MED12L: variants seen among roughly 807,000 people sequenced by gnomAD.
MED12L encodes mediator of RNA polymerase II transcription subunit 12-like protein.
MED12L carries 60 observed loss-of-function variants against 281.3 expected under a neutral mutation model. The observed-to-expected ratio is 0.21, with a 90% confidence interval of 0.17 to 0.26. The LOEUF is 0.26. Among genes scored for constraint, MED12L ranks in the 10% least tolerant of loss-of-function variants. The pLI is 1.00. For missense variants in MED12L, 2,146 were observed against 2,680.9 expected (o/e 0.80, Z 4.41); for synonymous variants, 974 against 987.2 (o/e 0.99, Z 0.25).
At chr3:151,121,325 C>T (rs1455164639) in intron 3 of MED12L, among the ~76,000 whole-genome samples, 1 of 152,150 alleles carries the variant, frequency 6.6e-6, no homozygotes, top group African/African-American at 2.4e-5. Context: ...AAGACGGACT[C>T]CTTTTCTACT....
At chr3:151,377,460 T>C (rs1756982393) in intron 30 of MED12L, among the ~76,000 whole-genome samples, 1 of 152,230 alleles carries the variant, frequency 6.6e-6, no homozygotes, top group Admixed American at 6.5e-5. Context: ...GTATTCATTA[T>C]ATGGGAAACG....
chr3:151,425,458 C>G (rs1718768792), intron 43 of MED12L: 1 of 318,926 alleles, frequency 3.1e-6, no homozygotes, highest in African/African-American at 2.2e-5. Flanking sequence ...TGGGGTGCAG[C>G]AATGTGATCA....
intron 38 of MED12L, among the ~76,000 whole-genome samples, chr3:151,392,524 A>G (rs187169047): frequency 1.2e-4 from 18 of 151,802 alleles, no homozygotes; most frequent in African/African-American, 3.1e-4. Flanking sequence ...TTTGAAAAAA[A>G]TTATTTTTGA....
At chr3:151,152,136 G>A (rs950824718) in intron 5 of MED12L, among the ~76,000 whole-genome samples, 2 of 116,594 alleles carry the variant, frequency 1.7e-5, no homozygotes, top group African/African-American at 6.8e-5. Context: ...GTCTCACTCG[G>A]TTGCCCAGGC....
intron 16 of MED12L, among the ~76,000 whole-genome samples, chr3:151,253,615 C>T (rs751561649): frequency 6.6e-6 from 1 of 152,112 alleles, no homozygotes; most frequent in Non-Finnish European, 1.5e-5. Context: ...TACTGTATCA[C>T]AGATGGTGAT....
At chr3:151,368,106 C>T (rs1755513009) in intron 24 of MED12L, 44 bp from the exon 25 acceptor site, 1 of 1,474,182 alleles carries the variant, frequency 6.8e-7, no homozygotes, top group Non-Finnish European at 9.5e-7. Flanking sequence ...GGACTTGTTC[C>T]CAAGTGTGTT....
intron 31 of MED12L, 146 bp downstream of exon 31, chr3:151,378,319 C>A: frequency 1.2e-6 from 1 of 826,734 alleles, no homozygotes; most frequent in Non-Finnish European, 1.7e-6. Context: ...TTAGGCAAGG[C>A]TGTCTTATTC....
intron 16 of MED12L, chr3:151,337,455 AT>A: frequency 4.6e-6 from 1 of 216,800 alleles, no homozygotes; most frequent in East Asian, 1.2e-4. Flanking sequence ...TCCTTAGTTG[AT>A]TATGAAAAAA....
rs71797893 is a variant in MED12L at position 151,435,189 on chromosome 3, GGAGC to G, written c.*2389_*2392del. 19,560 of 151,612 alleles carry G rather than the reference GGAGC, an allele frequency of 0.13. 1,598 individuals carry two copies. Among genetic ancestry groups the G allele is most frequent in the East Asian group, 0.4 (2,025 of 5,126 alleles). The allele number at this position is 151,612 out of a possible 1,614,324, so 9.4% of individuals were successfully genotyped here. A position where few individuals can be genotyped will look rare whatever the true frequency, so the allele number is the denominator to read the frequency against. On this transcript the variant is annotated 3_prime_UTR_variant, in exon 45 of 45. Transcript: ENST00000687756. ...AGAGGAAATTACCTTAGAATAAGAT[GGAGC>G]GAGACCCCAGCTCCCCTTAAAGACA... is the stretch of plus-strand genomic sequence containing the variant.
chr3:151,152,085 GTTTTTTTTTTTTTTTT>G (rs141353889), intron 5 of MED12L, among the ~76,000 whole-genome samples: 72 of 63,030 alleles, frequency 1.1e-3, no homozygotes, highest in Admixed American at 1.3e-3. Context: ...GTTGAAGGTG[GTTTTTTTTTTTTTTTT>G]TTTTTTTTTT....
At chr3:151,172,175 A>G (rs1231720460) in intron 11 of MED12L, among the ~76,000 whole-genome samples, 2 of 152,144 alleles carry the variant, frequency 1.3e-5, no homozygotes, top group African/African-American at 2.4e-5. Flanking sequence ...CTGCTGTGAA[A>G]TCAGCAGTTT....
chr3:151,390,846 C>G (rs1019355355), intron 38 of MED12L, among the ~76,000 whole-genome samples: 1 of 152,104 alleles, frequency 6.6e-6, no homozygotes, highest in Non-Finnish European at 1.5e-5. Context: ...GAAAATGTTT[C>G]ATTTATGGCT....
At chr3:151,201,541 C>T (rs1725591076) in intron 16 of MED12L, among the ~76,000 whole-genome samples, 1 of 152,192 alleles carries the variant, frequency 6.6e-6, no homozygotes, top group Non-Finnish European at 1.5e-5. Context: ...TGGTGTGTTC[C>T]TCAAGCTTTC....
intron 3 of MED12L, among the ~76,000 whole-genome samples, chr3:151,117,127 A>G (rs1712945383): frequency 6.6e-6 from 1 of 152,164 alleles, no homozygotes; most frequent in African/African-American, 2.4e-5. Context: ...TCTTTTATTA[A>G]AAGAAGTGCT....
At chr3:151,221,453 C>T (rs1472967028) in intron 16 of MED12L, among the ~76,000 whole-genome samples, 1 of 152,182 alleles carries the variant, frequency 6.6e-6, no homozygotes, top group East Asian at 1.9e-4. Flanking sequence ...ACATCGCAGG[C>T]CTGGAGGCCT....
intron 16 of MED12L, among the ~76,000 whole-genome samples, chr3:151,247,457 T>C (rs1406525333): frequency 1.3e-5 from 2 of 151,800 alleles, no homozygotes; most frequent in Non-Finnish European, 2.9e-5. Context: ...TTCATGTCCT[T>C]TGTAGGGACA....
At chr3:151,199,474 T>G in intron 16 of MED12L, 2 of 1,131,448 alleles carry the variant, frequency 1.8e-6, no homozygotes, top group Middle Eastern at 3.0e-4. Context: ...GGTTAGTAAT[T>G]AAAATTAGCA....
chr3:151,213,504 T>A, intron 16 of MED12L: 1 of 1,614,150 alleles, frequency 6.2e-7, no homozygotes, highest in Non-Finnish European at 8.5e-7. Context: ...ACCGCAAGAT[T>A]TCTTTTGACT....
intron 16 of MED12L, among the ~76,000 whole-genome samples, chr3:151,319,468 C>CGTGTGTGTGCGT (rs1553777798): frequency 6.9e-6 from 1 of 145,552 alleles, no homozygotes; most frequent in Non-Finnish European, 1.5e-5. Flanking sequence ...TGTGTGTGTG[C>CGTGTGTGTGCGT]GTGTGTGTGT....
Sources: allele counts gnomAD v4.1 joint callset (sites outside exome capture counted in the v4.1 genomes callset), GRCh38; gene constraint gnomAD v4.1.1; transcripts MANE v1.5; gene names NCBI Gene and HGNC (gene_info 2026-07-23, HGNC 2026-07-21).